The following EIF3H variants were observed in gnomAD, a reference collection of about 807,000 sequenced individuals.
The protein encoded by EIF3H is eukaryotic translation initiation factor 3 subunit H, also known as eIF-3-gamma.
Under a neutral mutation model 44.2 loss-of-function variants are expected in EIF3H, and 26 were observed. That is an observed-to-expected ratio of 0.59 (90% CI 0.43 to 0.82). EIF3H has a LOEUF of 0.82. Among genes scored for constraint, EIF3H ranks in the 40% least tolerant of loss-of-function variants. The pLI is 0.00. For missense variants in EIF3H, 359 were observed against 432.8 expected (o/e 0.83, Z 1.51); for synonymous variants, 166 against 151.9 (o/e 1.09, Z -0.68).
At chr8:116,663,021 G>C (rs60057382) in intron 2 of EIF3H, among the ~76,000 whole-genome samples, 5,577 of 152,238 alleles carry the variant, frequency 0.037, 335 homozygotes, top group African/African-American at 0.13. Context: ...ATGAGGGAGG[G>C]AAGAAGCCTC....
chr8:116,757,413 C>G (rs1815468040), upstream of EIF3H, among the ~76,000 whole-genome samples: 1 of 152,178 alleles, frequency 6.6e-6, no homozygotes, highest in Non-Finnish European at 1.5e-5. Context: ...ATCTCACTGG[C>G]TACCTCCTTT....
intron 6 of EIF3H, 143 bp from the exon 7 acceptor site, chr8:116,646,746 G>T: frequency 8.6e-7 from 1 of 1,168,652 alleles, no homozygotes; most frequent in Non-Finnish European, 1.2e-6. Context: ...TTGGTAACTT[G>T]CGTCTAAGAA....
intron 7 of EIF3H, 74 bp from the exon 8 acceptor site, chr8:116,645,177 G>A: frequency 1.7e-6 from 2 of 1,155,886 alleles, no homozygotes; most frequent in Admixed American, 2.0e-5. Flanking sequence ...TAGTCAAACA[G>A]AAAAATCAGC....
upstream of EIF3H, among the ~76,000 whole-genome samples, chr8:116,760,106 C>G (rs565219535): frequency 1.3e-5 from 2 of 152,308 alleles, no homozygotes; most frequent in South Asian, 4.1e-4. Context: ...AGGGCATACT[C>G]CAAGTGAAGC....
intron 1 of EIF3H, among the ~76,000 whole-genome samples, chr8:116,745,025 T>C (rs545024069): frequency 6.6e-6 from 1 of 152,288 alleles, no homozygotes; most frequent in Non-Finnish European, 1.5e-5. Flanking sequence ...TCCAAGATAT[T>C]GAACAAAAGA....
chr8:116,675,329 G>A (rs768701171), intron 2 of EIF3H, among the ~76,000 whole-genome samples: 4 of 152,156 alleles, frequency 2.6e-5, no homozygotes, highest in Non-Finnish European at 4.4e-5. Context: ...AGTATATACA[G>A]ATCCACATTC....
chr8:116,713,547 A>C (rs1482623318), intron 2 of EIF3H, among the ~76,000 whole-genome samples: 1 of 152,090 alleles, frequency 6.6e-6, no homozygotes, highest in Non-Finnish European at 1.5e-5. Context: ...TTGTATTTAA[A>C]ATCTTGAGAC....
intron 2 of EIF3H, among the ~76,000 whole-genome samples, chr8:116,696,010 T>C (rs1326105584): frequency 6.6e-6 from 1 of 152,248 alleles, no homozygotes; most frequent in Non-Finnish European, 1.5e-5. Context: ...TAAATGTGTT[T>C]ATCTGTGTGT....
At chr8:116,764,401 A>G (rs1202467138) in intron 1 of EIF3H, among the ~76,000 whole-genome samples, 2 of 152,228 alleles carry the variant, frequency 1.3e-5, no homozygotes, top group Admixed American at 6.5e-5. Flanking sequence ...TGGCATCTAA[A>G]CAAAAGTGTA....
intron 2 of EIF3H, among the ~76,000 whole-genome samples, chr8:116,722,178 T>C (rs921490696): frequency 6.6e-6 from 1 of 152,192 alleles, no homozygotes; most frequent in Non-Finnish European, 1.5e-5. Context: ...ATACTGTTCT[T>C]GTGGTAATTA....
intron 2 of EIF3H, among the ~76,000 whole-genome samples, chr8:116,715,245 G>C (rs866518274): frequency 2.0e-5 from 3 of 151,860 alleles, no homozygotes; most frequent in Middle Eastern, 6.8e-3. Context: ...AACAAAATAT[G>C]TTAACAGTCG....
At chr8:116,746,694 G>A (rs1036004805) in intron 1 of EIF3H, among the ~76,000 whole-genome samples, 3 of 152,094 alleles carry the variant, frequency 2.0e-5, no homozygotes, top group Non-Finnish European at 2.9e-5. Context: ...AATAATGTAC[G>A]CTAAATGATT....
chr8:116,764,333 CAGTATTT>C (rs1183339696), intron 1 of EIF3H, among the ~76,000 whole-genome samples: 3 of 152,146 alleles, frequency 2.0e-5, no homozygotes, highest in Non-Finnish European at 4.4e-5. Context: ...TCAATAATGG[CAGTATTT>C]GGCTTCTGCC....
chr8:116,713,149 T>TG, intron 2 of EIF3H, among the ~76,000 whole-genome samples: 1 of 152,266 alleles, frequency 6.6e-6, no homozygotes, highest in East Asian at 1.9e-4. Flanking sequence ...TTTAAACCAC[T>TG]GGGAACAGTA....
Position 116,726,112 on chromosome 8 carries a change from C to G in EIF3H, c.193G>C (p.Gly65Arg), listed in dbSNP as rs1313139597. ...EEGQGTEVVQGVLLGLVVEDR... is the reference protein window; with the variant it reads ...EEGQGTEVVQRVLLGLVVEDR... ...TCTACAACCAGACCCAAAAGCACTCCTTGAACAACTTCAGTTCCTTGTCCT... is the reference window on the plus strand; with the variant it reads ...TCTACAACCAGACCCAAAAGCACTCGTTGAACAACTTCAGTTCCTTGTCCT... Residue 65 changes from glycine (G) to arginine (R), a missense_variant, in exon 2 of 8, where the codon GGA (glycine) becomes CGA (arginine). This residue lies in a region of EIF3H where 91 missense variants were observed against 164.6 expected (regional missense o/e 0.55). Transcript: ENST00000521861. The G allele has an allele frequency of 1.2e-6, 2 of 1,614,060 alleles. No homozygotes were observed. The highest frequency in any genetic ancestry group is 2.2e-5 in the South Asian group (2 of 91,080).
At chr8:116,740,965 T>G (rs758500547) in intron 1 of EIF3H, among the ~76,000 whole-genome samples, 1 of 152,236 alleles carries the variant, frequency 6.6e-6, no homozygotes, top group African/African-American at 2.4e-5. Flanking sequence ...TCAAACTACC[T>G]AGCACACAAT....
intron 1 of EIF3H, among the ~76,000 whole-genome samples, chr8:116,735,127 A>T (rs1472120386): frequency 3.3e-5 from 5 of 152,216 alleles, no homozygotes; most frequent in Admixed American, 3.3e-4. Context: ...AAACTATTCA[A>T]GAAACACATT....
intron 2 of EIF3H, among the ~76,000 whole-genome samples, chr8:116,707,990 C>CG (rs1814499441): frequency 1.3e-5 from 2 of 152,084 alleles, no homozygotes; most frequent in African/African-American, 4.8e-5. Flanking sequence ...ATTTCTAAAA[C>CG]TTTAAGTACA....
At chr8:116,684,727 G>A (rs568218740) in intron 2 of EIF3H, among the ~76,000 whole-genome samples, 5 of 152,152 alleles carry the variant, frequency 3.3e-5, no homozygotes, top group Admixed American at 2.6e-4. Flanking sequence ...CTTTTGAACT[G>A]TACACATACA....
Sources: gnomAD v4.1 joint callset for allele counts (sites outside exome capture counted in the v4.1 genomes callset) on GRCh38, gnomAD v4.1.1 for gene constraint, gnomAD v4.1.1 regional missense constraint, MANE v1.5 for transcripts, NCBI Gene and HGNC (gene_info 2026-07-23, HGNC 2026-07-21) for gene names.